AOAH: variants seen among roughly 807,000 people sequenced by gnomAD.
AOAH encodes acyloxyacyl hydrolase (neutrophil).
Under a neutral mutation model 92.2 loss-of-function variants are expected in AOAH, and 64 were observed. The ratio of observed to expected loss-of-function variants is 0.69; its 90% confidence interval spans 0.57 to 0.86. The LOEUF is 0.86. Ranked by LOEUF, AOAH falls within the 40% of genes least tolerant of loss-of-function variation. The pLI is 0.00. For synonymous variants in AOAH, 263 were observed against 254.5 expected (o/e 1.03, Z -0.32); for missense variants, 656 against 694.6 (o/e 0.94, Z 0.62).
chr7:36,578,275 T>C (rs1788676116), intron 12 of AOAH, among the ~76,000 whole-genome samples: 1 of 152,206 alleles, frequency 6.6e-6, no homozygotes, highest in African/African-American at 2.4e-5. Context: ...TGATCCCTGC[T>C]TCTGTGTTGT....
chr7:36,617,614 G>A (rs1184966008), intron 10 of AOAH, among the ~76,000 whole-genome samples: 2 of 152,020 alleles, frequency 1.3e-5, no homozygotes, highest in Admixed American at 6.5e-5. Flanking sequence ...GAATGAATGA[G>A]GTGATTGTGG....
intron 3 of AOAH, 122 bp from the exon 4 acceptor site, chr7:36,659,387 T>C: frequency 1.3e-6 from 1 of 780,286 alleles, no homozygotes; most frequent in Non-Finnish European, 2.2e-6. Flanking sequence ...CCTTGCAGAG[T>C]GGCCTTTGAC....
At chr7:36,685,297 T>G (rs1036159257) in intron 2 of AOAH, among the ~76,000 whole-genome samples, 2 of 152,132 alleles carry the variant, frequency 1.3e-5, no homozygotes, top group African/African-American at 4.8e-5. Flanking sequence ...TTACGATATC[T>G]AGGGATGCTC....
intron 11 of AOAH, among the ~76,000 whole-genome samples, chr7:36,606,498 T>G (rs1213380044): frequency 1.3e-5 from 2 of 152,240 alleles, no homozygotes; most frequent in African/African-American, 4.8e-5. Context: ...TATAATGGGA[T>G]AGGCAACAGC....
rs1583965921 is a variant in AOAH, at chr7:36,621,585, A to G, written c.653+125T>C. On this transcript the variant is annotated intron_variant, in intron 8 of 20. Coordinates refer to ENST00000617537, the MANE Select transcript of AOAH (RefSeq NM_001637.4). ...TTCTTTTTTCACTGAGCTTTACTTC[A>G]ATCGGAACATGAAAATCTCTTCTCT... is the stretch of plus-strand genomic sequence containing the variant. 3 of 933,222 alleles carry G rather than the reference A, an allele frequency of 3.2e-6. No homozygotes were observed. In the East Asian group the frequency reaches 7.2e-5, roughly 22 times the overall value. The allele number at this position is 933,222 out of a possible 1,614,324, so 57.8% of individuals were successfully genotyped here.
chr7:36,626,940 CATT>C (rs1213435489), intron 6 of AOAH, among the ~76,000 whole-genome samples: 11 of 152,294 alleles, frequency 7.2e-5, no homozygotes, highest in Admixed American at 5.9e-4. Flanking sequence ...TTGAATAAGA[CATT>C]GTTGACTTTA....
At chr7:36,716,228 C>T (rs1432108856) in intron 1 of AOAH, among the ~76,000 whole-genome samples, 1 of 151,778 alleles carries the variant, frequency 6.6e-6, no homozygotes, top group Non-Finnish European at 1.5e-5. Flanking sequence ...TGAAAAAATG[C>T]TCATCACTGA....
intron 13 of AOAH, 105 bp from the exon 14 acceptor site, chr7:36,549,580 C>T (rs56036432): frequency 1.3e-5 from 10 of 769,780 alleles, no homozygotes; most frequent in South Asian, 3.1e-5. Context: ...CATTACTGTT[C>T]GGGCAAAGGT....
intron 11 of AOAH, among the ~76,000 whole-genome samples, chr7:36,612,247 C>T (rs1168385898): frequency 6.6e-6 from 1 of 152,120 alleles, no homozygotes; most frequent in Non-Finnish European, 1.5e-5. Flanking sequence ...CTACAACTTT[C>T]CAATTATTTT....
rs10581908 is a variant in AOAH, at chr7:36,569,470, A to AATCTATCTATCT, written c.1021+7092_1021+7103dup. On this transcript the variant is annotated intron_variant, in intron 13 of 20. Coordinates refer to ENST00000617537, the MANE Select transcript of AOAH (RefSeq NM_001637.4). ...TTACAGATTTTTATTTACTTAAAAA[A>AATCTATCTATCT]ATCTATCTATCTATCTATCTATCTA... Among the ~76,000 whole-genome samples the AATCTATCTATCT allele has an allele frequency of 1.9e-4, 28 of 148,068 alleles. 1 individual carries two copies. The highest frequency in any genetic ancestry group is 3.4e-3 in the Middle Eastern group (1 of 292).
chr7:36,687,744 CTT>C (rs1244127678), intron 1 of AOAH, among the ~76,000 whole-genome samples: 6 of 152,202 alleles, frequency 3.9e-5, no homozygotes, highest in African/African-American at 1.2e-4. Context: ...GCAGTAGGCT[CTT>C]GATTGTCCAT....
At chr7:36,578,374 G>C (rs77573963) in intron 12 of AOAH, among the ~76,000 whole-genome samples, 1 of 152,072 alleles carries the variant, frequency 6.6e-6, no homozygotes, top group Admixed American at 6.5e-5. Context: ...TAAATTCTAT[G>C]AAGAAAGGAA....
chr7:36,532,039 G>A (rs1784724926), intron 18 of AOAH, 108 bp downstream of exon 18: 2 of 1,336,006 alleles, frequency 1.5e-6, no homozygotes, highest in East Asian at 4.6e-5. Context: ...TTATTCACCA[G>A]CTTGGAGACC....
At chr7:36,680,549 G>A (rs1796582490) in intron 2 of AOAH, among the ~76,000 whole-genome samples, 1 of 152,206 alleles carries the variant, frequency 6.6e-6, no homozygotes, top group East Asian at 1.9e-4. Flanking sequence ...AGTAGGCACT[G>A]TGGGTCAGGC....
rs565330739 is a variant in AOAH at position 36,715,668 on chromosome 7, C to T, written c.127+8354G>A. 1.5e-4 allele frequency among the ~76,000 whole-genome samples: 21 copies of T among 144,338 alleles called. No individual in the cohort carries two copies. The South Asian group carries it at 5.0e-3, about 34-fold the overall frequency. 94.7% of individuals were successfully genotyped at this position (144,338 alleles called of 152,430 possible). On this transcript the variant is annotated intron_variant, in intron 1 of 20. Coordinates refer to ENST00000617537, the MANE Select transcript of AOAH (RefSeq NM_001637.4). ...CGGAACAGAGCCCTCAGAAATAATG[C>T]CACATATCTACAACTATCTGATCTT...
At position 36,594,529 on chromosome 7, in the gene AOAH, T is replaced by C. The variant is rs905271645; in HGVS notation, c.847-99A>G. The C allele has an allele frequency of 1.5e-5, 15 of 982,004 alleles. No individual in the cohort carries two copies. The African/African-American group carries it at 2.4e-4, about 16-fold the overall frequency. 60.8% of individuals were successfully genotyped at this position (982,004 alleles called of 1,614,324 possible). On this transcript the variant is annotated intron_variant, in intron 11 of 20. Transcript: ENST00000617537. ...CTGAGTGTTGCTCTCTGTGTGTCTG[T>C]TTCCCACTCTCAATCTCTCGCTTTA...
At chr7:36,699,653 T>G (rs945406671) in intron 1 of AOAH, among the ~76,000 whole-genome samples, 6 of 131,902 alleles carry the variant, frequency 4.5e-5, no homozygotes, top group Non-Finnish European at 8.1e-5. Context: ...TTTTTTTTTT[T>G]GCTATTGAGC....
At chr7:36,594,265 G>A in intron 12 of AOAH, 74 bp downstream of exon 12, 2 of 1,204,358 alleles carry the variant, frequency 1.7e-6, no homozygotes, top group South Asian at 2.5e-5. Context: ...CAACATCTTG[G>A]TAGCAACCCC....
intron 2 of AOAH, among the ~76,000 whole-genome samples, chr7:36,674,378 TG>T (rs1796114795): frequency 6.6e-6 from 1 of 152,230 alleles, no homozygotes; most frequent in Non-Finnish European, 1.5e-5. Flanking sequence ...GTCAATCATC[TG>T]AAATGTAGCT....
Sources: allele counts gnomAD v4.1 joint callset (sites outside exome capture counted in the v4.1 genomes callset), GRCh38; gene constraint gnomAD v4.1.1; transcripts MANE v1.5; gene names NCBI Gene and HGNC (gene_info 2026-07-23, HGNC 2026-07-21).